The following PIK3R5 variants were observed in gnomAD, a reference collection of about 807,000 sequenced individuals.
PIK3R5 encodes the protein phosphoinositide-3-kinase regulatory subunit 5.
In PIK3R5, 32 loss-of-function variants were observed where a neutral mutation model predicts 94.9. The observed-to-expected ratio is 0.34, with a 90% CI of 0.25 to 0.45. The LOEUF (loss-of-function observed/expected upper bound fraction) is 0.45. PIK3R5 is among the 20% of genes least tolerant of loss of function. The pLI is 1.00. For synonymous variants in PIK3R5, 443 were observed against 479.4 expected, an observed-to-expected ratio of 0.92 and a Z score of 0.99; for missense variants, 853 against 1,144.6, an observed-to-expected ratio of 0.75 and a Z score of 3.68.
chr17:8,916,120 A>T (rs2151422332), intron 1 of PIK3R5: 1 of 152,422 alleles, frequency 6.6e-6, no homozygotes, highest in Admixed American at 6.5e-5. Flanking sequence ...GACTTGCCTG[A>T]GCCACTAGCC....
intron 1 of PIK3R5, among the ~76,000 whole-genome samples, chr17:8,957,058 G>T (rs2091477563): frequency 1.3e-5 from 2 of 152,160 alleles, no homozygotes. Flanking sequence ...TTTGGGACCT[G>T]TTTATTCAAG....
intron 1 of PIK3R5, among the ~76,000 whole-genome samples, chr17:8,962,460 T>C (rs1299947461): frequency 6.6e-6 from 1 of 152,162 alleles, no homozygotes; most frequent in African/African-American, 2.4e-5. Context: ...TAAAACATAA[T>C]ACAATGAAAA....
rs2090048645 is a variant in PIK3R5 at position 8,892,361 on chromosome 17, G to A, written c.482+1225C>T. Among the ~76,000 whole-genome samples the A allele has an allele frequency of 6.6e-6, 1 of 152,060 alleles. No individual in the cohort carries two copies. Among genetic ancestry groups the A allele is most frequent in the Non-Finnish European group, 1.5e-5 (1 of 68,036 alleles). On this transcript the variant is annotated intron_variant, in intron 6 of 18. Coordinates refer to ENST00000447110, the MANE Select transcript of PIK3R5 (RefSeq NM_001142633.3). The surrounding 1 kb of genome is among the most constrained non-coding windows in gnomAD (Gnocchi z 4.3). ...CCCAGCCGAGCCCCTGCCCTCACCA[G>A]CTTGCATAATTTCTCTCCCGAAGAA... is the stretch of plus-strand genomic sequence containing the variant.
chr17:8,919,686 G>A (rs2090695515), intron 1 of PIK3R5, among the ~76,000 whole-genome samples: 2 of 152,156 alleles, frequency 1.3e-5, no homozygotes, highest in Admixed American at 6.5e-5. Context: ...CACCTAAAAG[G>A]ACAGGGCACA....
At chr17:8,914,233 A>G (rs1003625239) in intron 1 of PIK3R5, among the ~76,000 whole-genome samples, 4 of 152,102 alleles carry the variant, frequency 2.6e-5, no homozygotes, top group Admixed American at 1.3e-4. Flanking sequence ...CAAGTCCCTC[A>G]TTTTACAGAA....
chr17:8,947,249 T>A (rs2091289361), intron 1 of PIK3R5, among the ~76,000 whole-genome samples: 1 of 152,160 alleles, frequency 6.6e-6, no homozygotes, highest in South Asian at 2.1e-4. Flanking sequence ...CTTAAATGAA[T>A]CCCTGCTCCT....
At chr17:8,951,276 C>G (rs567095297) in intron 1 of PIK3R5, among the ~76,000 whole-genome samples, 1 of 152,168 alleles carries the variant, frequency 6.6e-6, no homozygotes, top group African/African-American at 2.4e-5. Flanking sequence ...TTTGTGCGTA[C>G]AGTTCTAAGT....
intron 1 of PIK3R5, among the ~76,000 whole-genome samples, chr17:8,927,352 C>T (rs2048408112): frequency 1.3e-5 from 2 of 152,192 alleles, no homozygotes; most frequent in Non-Finnish European, 2.9e-5. Flanking sequence ...TCCACCCTGG[C>T]CAGGCCGTAA....
At chr17:8,946,211 C>T (rs1389397346) in intron 1 of PIK3R5, among the ~76,000 whole-genome samples, 1 of 151,958 alleles carries the variant, frequency 6.6e-6, no homozygotes, top group Non-Finnish European at 1.5e-5. Context: ...GACTGCCAGC[C>T]CCTTACCGAG....
Position 8,889,950 on chromosome 17 carries a change from C to A in PIK3R5, c.811+23G>T, listed in dbSNP as rs375294387. On this transcript the variant is annotated intron_variant, in intron 8 of 18. Transcript: ENST00000447110. This position sits in a 1 kb window ranked among gnomAD's most constrained non-coding sequence, Gnocchi z 4.1. Reference sequence around the variant, plus strand: ...ATAGGCCATGGGGAATGTGGGAGAACCCCATTCTCCCAAGAGCCTCACCTA... The same window carrying A: ...ATAGGCCATGGGGAATGTGGGAGAAACCCATTCTCCCAAGAGCCTCACCTA... 1.2e-6 allele frequency: 2 copies of A among 1,611,690 alleles called. No individual in the cohort carries two copies. Among genetic ancestry groups the A allele is most frequent in the South Asian group, 1.1e-5 (1 of 91,036 alleles).
intron 5 of PIK3R5, among the ~76,000 whole-genome samples, chr17:8,902,920 A>G (rs2090319968): frequency 6.8e-6 from 1 of 147,700 alleles, no homozygotes; most frequent in Non-Finnish European, 1.5e-5. Context: ...TCTCGGAGGC[A>G]CTTGAACCTC....
intron 1 of PIK3R5, among the ~76,000 whole-genome samples, chr17:8,926,868 A>G (rs1303241941): frequency 6.6e-6 from 1 of 152,146 alleles, no homozygotes. Flanking sequence ...TTTTCATAAT[A>G]TATATTTTAT....
chr17:8,953,788 GA>G (rs1299555729), intron 1 of PIK3R5, among the ~76,000 whole-genome samples: 1 of 152,180 alleles, frequency 6.6e-6, no homozygotes, highest in Non-Finnish European at 1.5e-5. Context: ...TGAGGCCCAA[GA>G]GACAACAAGG....
At chr17:8,939,895 A>C (rs972077063) in intron 1 of PIK3R5, among the ~76,000 whole-genome samples, 6 of 151,834 alleles carry the variant, frequency 4.0e-5, no homozygotes, top group Non-Finnish European at 7.4e-5. Context: ...GTCCTTCCCT[A>C]CTCCAGAATT....
Position 8,893,718 on chromosome 17 carries a change from T to A in PIK3R5, c.413-63A>T. The A allele has an allele frequency of 7.8e-7, 1 of 1,282,274 alleles. No homozygotes were observed. Among genetic ancestry groups the A allele is most frequent in the South Asian group, 1.2e-5 (1 of 83,700 alleles). The allele number at this position is 1,282,274 out of a possible 1,614,324, so 79.4% of individuals were successfully genotyped here. A position where few individuals can be genotyped will look rare whatever the true frequency, so the allele number is the denominator to read the frequency against. On this transcript the variant is annotated intron_variant, in intron 5 of 18. Transcript: ENST00000447110. This position sits in a 1 kb window ranked among gnomAD's most constrained non-coding sequence, Gnocchi z 5.1. ...GTTCCTTCAGCATCGTCCGTGTGCC[T>A]CGTGGGGAGCCAAGCACTGGACAAT... is the stretch of plus-strand genomic sequence containing the variant.
chr17:8,921,509 A>T (rs1597405130), intron 1 of PIK3R5, among the ~76,000 whole-genome samples: 1 of 152,348 alleles, frequency 6.6e-6, no homozygotes, highest in East Asian at 1.9e-4. Context: ...AAATCAACTG[A>T]AAAATGGTCA....
At chr17:8,895,289 C>T (rs950136212) in intron 5 of PIK3R5, among the ~76,000 whole-genome samples, 1 of 152,184 alleles carries the variant, frequency 6.6e-6, no homozygotes, top group Non-Finnish European at 1.5e-5. Flanking sequence ...TTTCTCTTTT[C>T]TTTTACTGTT....
At chr17:8,883,834 T>C (rs1192349159) in intron 15 of PIK3R5, among the ~76,000 whole-genome samples, 1 of 152,140 alleles carries the variant, frequency 6.6e-6, no homozygotes, top group Non-Finnish European at 1.5e-5. Context: ...TTGTTCACTC[T>C]TAGGAAGGCT....
chr17:8,937,292 T>C (rs576862182), intron 1 of PIK3R5, among the ~76,000 whole-genome samples: 2 of 152,242 alleles, frequency 1.3e-5, no homozygotes, highest in Non-Finnish European at 2.9e-5. Flanking sequence ...ATGTTAAATA[T>C]GAGTGGTAAG....
Sources: gnomAD v4.1 joint callset for allele counts (sites outside exome capture counted in the v4.1 genomes callset) on GRCh38, gnomAD v4.1.1 for gene constraint, Gnocchi (gnomAD v3.1) non-coding constraint, MANE v1.5 for transcripts, NCBI Gene and HGNC (gene_info 2026-07-23, HGNC 2026-07-21) for gene names.